PABPC4L: variants seen among roughly 807,000 people sequenced by gnomAD.
PABPC4L encodes the protein polyadenylate-binding protein 4-like.
For synonymous variants in PABPC4L, 169 were observed against 164.1 expected, an observed-to-expected ratio of 1.03 and a Z score of -0.23; for missense variants, 452 against 451.4, an observed-to-expected ratio of 1.00 and a Z score of -0.01.
the PABPC4L span, among the ~76,000 whole-genome samples, chr4:134,080,009 AT>A: frequency 1.3e-5 from 2 of 152,008 alleles, no homozygotes; most frequent in Non-Finnish European, 2.9e-5. Flanking sequence ...TTTATTATAA[AT>A]TACTTTTAAC....
the PABPC4L span, among the ~76,000 whole-genome samples, chr4:134,176,836 C>A: frequency 1.3e-5 from 2 of 152,062 alleles, no homozygotes; most frequent in Non-Finnish European, 2.9e-5. Context: ...ATAAGAGAAT[C>A]CCCCTGGCGC....
the PABPC4L span, among the ~76,000 whole-genome samples, chr4:134,119,191 C>T: frequency 6.6e-6 from 1 of 151,562 alleles, no homozygotes; most frequent in Non-Finnish European, 1.5e-5. Flanking sequence ...AAGAGGAGAA[C>T]CATGAAATTT....
chr4:134,128,761 G>A, the PABPC4L span, among the ~76,000 whole-genome samples: 1 of 151,904 alleles, frequency 6.6e-6, no homozygotes, highest in Non-Finnish European at 1.5e-5. Flanking sequence ...ATAACACAAT[G>A]AAAAAAGATA....
chr4:134,129,647 T>A, the PABPC4L span, among the ~76,000 whole-genome samples: 1 of 152,062 alleles, frequency 6.6e-6, no homozygotes, highest in African/African-American at 2.4e-5. Flanking sequence ...TAAATTTAAA[T>A]TTTTAAATTT....
chr4:134,164,919 T>TA, the PABPC4L span, among the ~76,000 whole-genome samples: 1 of 151,886 alleles, frequency 6.6e-6, no homozygotes, highest in African/African-American at 2.4e-5. Flanking sequence ...TTGGTTAAAA[T>TA]AAAAAAAGTA....
chr4:133,981,450 A>C, the PABPC4L span, among the ~76,000 whole-genome samples: 1 of 152,142 alleles, frequency 6.6e-6, no homozygotes, highest in Non-Finnish European at 1.5e-5. Flanking sequence ...ATTGAAAAAA[A>C]TAGATGTGCT....
At chr4:134,113,583 T>C in the PABPC4L span, among the ~76,000 whole-genome samples, 2 of 151,820 alleles carry the variant, frequency 1.3e-5, no homozygotes, top group Admixed American at 6.6e-5. Flanking sequence ...AAGGATGAAA[T>C]TGCCTAAAGT....
At chr4:133,959,144 A>G in the PABPC4L span, among the ~76,000 whole-genome samples, 3 of 140,042 alleles carry the variant, frequency 2.1e-5, no homozygotes, top group South Asian at 6.5e-4. Flanking sequence ...ACATTTGTTC[A>G]TTCATTCAGC....
the PABPC4L span, among the ~76,000 whole-genome samples, chr4:134,095,447 T>G: frequency 1.3e-5 from 2 of 151,996 alleles, no homozygotes; most frequent in Non-Finnish European, 2.9e-5. Flanking sequence ...TGTTAAACTT[T>G]TTTTGCACAA....
At chr4:133,992,283 C>T in the PABPC4L span, among the ~76,000 whole-genome samples, 1 of 152,168 alleles carries the variant, frequency 6.6e-6, no homozygotes, top group East Asian at 1.9e-4. Context: ...ACCTCTCAGC[C>T]ATAGTGGAAT....
chr4:134,021,726 A>G, the PABPC4L span, among the ~76,000 whole-genome samples: 1 of 152,150 alleles, frequency 6.6e-6, no homozygotes, highest in African/African-American at 2.4e-5. Context: ...TTCTTCTAGT[A>G]CATACTTAAA....
chr4:134,047,592 G>C, the PABPC4L span, among the ~76,000 whole-genome samples: 1 of 152,072 alleles, frequency 6.6e-6, no homozygotes, highest in East Asian at 1.9e-4. Context: ...ATGCTCTCAG[G>C]GCTCTGCAGA....
At chr4:134,089,834 C>A in the PABPC4L span, among the ~76,000 whole-genome samples, 1 of 151,900 alleles carries the variant, frequency 6.6e-6, no homozygotes, top group African/African-American at 2.4e-5. Context: ...GGAACCATGC[C>A]CCTGTGTATA....
chr4:133,976,211 G>T, the PABPC4L span, among the ~76,000 whole-genome samples: 1 of 152,078 alleles, frequency 6.6e-6, no homozygotes, highest in East Asian at 1.9e-4. Flanking sequence ...GTGGTGTTCG[G>T]TTTTCTGTTT....
the PABPC4L span, among the ~76,000 whole-genome samples, chr4:134,180,440 A>G: frequency 6.6e-6 from 1 of 151,980 alleles, no homozygotes; most frequent in African/African-American, 2.4e-5. Context: ...AAAAAGTTAG[A>G]CAGATCTCAA....
the PABPC4L span, among the ~76,000 whole-genome samples, chr4:134,115,603 G>A: frequency 2.6e-5 from 4 of 151,692 alleles, no homozygotes; most frequent in Non-Finnish European, 5.9e-5. Flanking sequence ...TAACTTTCTT[G>A]AATATCTTCA....
the PABPC4L span, among the ~76,000 whole-genome samples, chr4:134,137,941 C>G: frequency 6.6e-6 from 1 of 151,744 alleles, no homozygotes; most frequent in South Asian, 2.1e-4. Context: ...TAACAAGGGA[C>G]AGAACTGGGA....
At chr4:133,951,625 G>T in the PABPC4L span, among the ~76,000 whole-genome samples, 1 of 152,094 alleles carries the variant, frequency 6.6e-6, no homozygotes, top group African/African-American at 2.4e-5. Flanking sequence ...CACCCCAAGG[G>T]CCACACCCTG....
downstream of PABPC4L, among the ~76,000 whole-genome samples, chr4:134,192,877 G>C (rs1306419951): frequency 6.6e-6 from 1 of 152,084 alleles, no homozygotes; most frequent in African/African-American, 2.4e-5. Context: ...ATAGACAAGT[G>C]CTTGGGAGAG....
Sources: allele counts gnomAD v4.1 joint callset (sites outside exome capture counted in the v4.1 genomes callset), GRCh38; gene constraint gnomAD v4.1.1; transcripts MANE v1.5; gene names NCBI Gene and HGNC (gene_info 2026-07-23, HGNC 2026-07-21).